The following KAZN variants were observed in gnomAD, a reference collection of about 807,000 sequenced individuals.
KAZN encodes the protein kazrin.
Under a neutral mutation model 87.4 loss-of-function variants are expected in KAZN, and 40 were observed. That is an observed-to-expected ratio of 0.46 (90% CI 0.36 to 0.60). KAZN has a LOEUF of 0.60. KAZN is among the 20% of genes least tolerant of loss of function. The probability of loss-of-function intolerance (pLI) is 0.00; values close to 1 mark genes in which losing one functional copy is unlikely to be tolerated. For synonymous variants in KAZN, 466 were observed against 458.3 expected (o/e 1.02, Z -0.22); for missense variants, 898 against 1,073.9 (o/e 0.84, Z 2.29).
intron 13 of KAZN, among the ~76,000 whole-genome samples, chr1:15,109,859 GTA>G (rs1477875812): frequency 6.6e-6 from 1 of 150,798 alleles, no homozygotes; most frequent in Admixed American, 6.6e-5. Context: ...TTATGTGCGT[GTA>G]TATATGTGTG....
chr1:14,486,681 A>G (rs1669366673), intron 2 of KAZN, among the ~76,000 whole-genome samples: 1 of 152,188 alleles, frequency 6.6e-6, no homozygotes, highest in South Asian at 2.1e-4. Flanking sequence ...CATTTTGATA[A>G]TCAATTTTTA....
intron 2 of KAZN, among the ~76,000 whole-genome samples, chr1:14,416,311 G>T (rs1031986816): frequency 6.6e-6 from 1 of 152,306 alleles, no homozygotes; most frequent in Non-Finnish European, 1.5e-5. Context: ...CTGATGGATT[G>T]TTTGGGTATA....
chr1:14,325,170 GCTCTCC>G (rs1182768600), intron 2 of KAZN, among the ~76,000 whole-genome samples: 1 of 151,320 alleles, frequency 6.6e-6, no homozygotes, highest in Non-Finnish European at 1.5e-5. Context: ...GTGTGTTTGT[GCTCTCC>G]CTCTCTCTCT....
At chr1:14,087,864 A>T (rs1643889813) in intron 1 of KAZN, among the ~76,000 whole-genome samples, 1 of 151,922 alleles carries the variant, frequency 6.6e-6, no homozygotes, top group Admixed American at 6.6e-5. Flanking sequence ...CATTTTGTGT[A>T]GTAATTTTGC....
chr1:14,947,908 T>A (rs1429977724), intron 1 of KAZN, among the ~76,000 whole-genome samples: 2 of 152,202 alleles, frequency 1.3e-5, no homozygotes, highest in Non-Finnish European at 1.5e-5. Flanking sequence ...AGGAAAAGCC[T>A]GGAAATGGCT....
chr1:14,504,008 G>A (rs1026105888), intron 2 of KAZN, among the ~76,000 whole-genome samples: 1 of 152,124 alleles, frequency 6.6e-6, no homozygotes, highest in African/African-American at 2.4e-5. Context: ...CACTCTCAAG[G>A]TTGCACAGGG....
chr1:14,167,539 A>G (rs10803472), intron 1 of KAZN, among the ~76,000 whole-genome samples: 22,123 of 152,106 alleles, frequency 0.15, 1,833 homozygotes, highest in East Asian at 0.33. Flanking sequence ...CCTGGCCAAC[A>G]TGGGGAAACC....
intron 2 of KAZN, among the ~76,000 whole-genome samples, chr1:14,349,844 T>C (rs940396125): frequency 1.3e-5 from 2 of 151,958 alleles, no homozygotes; most frequent in African/African-American, 4.8e-5. Flanking sequence ...CTTTGTTAAA[T>C]AGTGACAAGA....
intron 1 of KAZN, among the ~76,000 whole-genome samples, chr1:13,998,465 G>C (rs1338442425): frequency 2.0e-5 from 3 of 152,158 alleles, no homozygotes; most frequent in Admixed American, 1.3e-4. Context: ...TTGGTGTGCT[G>C]TATTCAGGAG....
At chr1:15,102,980 G>A (rs546725162) in intron 11 of KAZN, among the ~76,000 whole-genome samples, 27 of 152,338 alleles carry the variant, frequency 1.8e-4, no homozygotes, top group African/African-American at 6.5e-4. Context: ...AGGTGCAGGG[G>A]CCAGGCCTGG....
At position 15,114,842 on chromosome 1, in the gene KAZN, T is replaced by C; in HGVS notation, c.*207T>C. The C allele has an allele frequency of 4.0e-6, 2 of 502,734 alleles. No individual in the cohort carries two copies. Among genetic ancestry groups the C allele is most frequent in the Non-Finnish European group, 7.1e-6 (2 of 282,540 alleles). The allele number at this position is 502,734 out of a possible 1,614,324, so 31.1% of individuals were successfully genotyped here. A position where few individuals can be genotyped will look rare whatever the true frequency, so the allele number is the denominator to read the frequency against. ...CAGCCCACCTGTCTTGGGTGGGCCATGGACTTTCCTGTTCAGCTGGAGATG... is the reference window on the plus strand; with the variant it reads ...CAGCCCACCTGTCTTGGGTGGGCCACGGACTTTCCTGTTCAGCTGGAGATG... On this transcript the variant is annotated 3_prime_UTR_variant, in exon 15 of 15. Coordinates refer to ENST00000376030, the MANE Select transcript of KAZN (RefSeq NM_201628.3).
intron 1 of KAZN, among the ~76,000 whole-genome samples, chr1:13,923,389 T>C (rs547399832): frequency 5.7e-4 from 86 of 151,756 alleles, no homozygotes; most frequent in Non-Finnish European, 5.0e-4. Context: ...CTGGCTAACA[T>C]GGTGAAACCC....
intron 2 of KAZN, among the ~76,000 whole-genome samples, chr1:14,365,380 G>C (rs28698594): frequency 0.056 from 7,593 of 135,976 alleles, 325 homozygotes; most frequent in Non-Finnish European, 0.073. Context: ...GGGGGGGGGG[G>C]GGTCTTTCAA....
intron 1 of KAZN, among the ~76,000 whole-genome samples, chr1:14,066,465 G>T (rs903781671): frequency 2.0e-5 from 3 of 152,180 alleles, no homozygotes; most frequent in African/African-American, 7.2e-5. Context: ...ACTTCTTGGG[G>T]TAGAGGGTTG....
At chr1:14,708,158 G>A (rs1050516682) in intron 1 of KAZN, among the ~76,000 whole-genome samples, 1 of 152,030 alleles carries the variant, frequency 6.6e-6, no homozygotes, top group African/African-American at 2.4e-5. Context: ...GATTCACTCC[G>A]TTTGAAGCCT....
intron 2 of KAZN, among the ~76,000 whole-genome samples, chr1:14,980,643 G>A (rs765199577): frequency 2.6e-5 from 4 of 152,124 alleles, no homozygotes; most frequent in African/African-American, 9.7e-5. Flanking sequence ...CGTGATTTGC[G>A]AGGACACAAC....
At chr1:14,460,232 C>T (rs1323741790) in intron 2 of KAZN, among the ~76,000 whole-genome samples, 3 of 152,212 alleles carry the variant, frequency 2.0e-5, no homozygotes, top group Non-Finnish European at 4.4e-5. Flanking sequence ...ACACATAGTT[C>T]CCCTCTGACT....
At chr1:14,759,937 C>CCCGGCCT (rs1369589724) in intron 1 of KAZN, among the ~76,000 whole-genome samples, 5 of 152,136 alleles carry the variant, frequency 3.3e-5, no homozygotes, top group African/African-American at 1.2e-4. Context: ...CCCTTTGCCT[C>CCCGGCCT]CCGGCCTCCG....
At chr1:13,939,721 G>A (rs1206276050) in intron 1 of KAZN, among the ~76,000 whole-genome samples, 1 of 152,168 alleles carries the variant, frequency 6.6e-6, no homozygotes, top group East Asian at 1.9e-4. Flanking sequence ...ATAAAGAAAA[G>A]AGATGTAATT....
Sources: allele counts gnomAD v4.1 joint callset (sites outside exome capture counted in the v4.1 genomes callset), GRCh38; gene constraint gnomAD v4.1.1; transcripts MANE v1.5; gene names NCBI Gene and HGNC (gene_info 2026-07-23, HGNC 2026-07-21).